The following PPP2R5C variants were observed in gnomAD, a reference collection of about 807,000 sequenced individuals.
PPP2R5C encodes serine/threonine-protein phosphatase 2A 56 kDa regulatory subunit gamma isoform.
PPP2R5C carries 7 observed loss-of-function variants against 68.9 expected under a neutral mutation model. The observed-to-expected ratio is 0.10, with a 90% confidence interval of 0.06 to 0.19. The LOEUF is 0.19. Among genes scored for constraint, PPP2R5C ranks in the 10% least tolerant of loss-of-function variants. The pLI is 1.00. For synonymous variants in PPP2R5C, 210 were observed against 222.2 expected, an observed-to-expected ratio of 0.95 and a Z score of 0.49; for missense variants, 348 against 641.3, an observed-to-expected ratio of 0.54 and a Z score of 4.94.
rs547585266 is a variant in PPP2R5C at position 101,868,906 on chromosome 14, T to G, written c.294+12021T>G. Among the ~76,000 whole-genome samples the G allele has an allele frequency of 1.3e-4, 20 of 152,046 alleles. No individual in the cohort carries two copies. The East Asian group carries it at 3.9e-3, about 29-fold the overall frequency. On this transcript the variant is annotated intron_variant, in intron 2 of 13. Coordinates refer to ENST00000334743, the Ensembl canonical transcript of PPP2R5C. ...CAGGATATAGAACAGTTTCTTTTGGTTTTGTTTGTTTGTTTGTTTGTTTGT... is the reference window on the plus strand; with the variant it reads ...CAGGATATAGAACAGTTTCTTTTGGGTTTGTTTGTTTGTTTGTTTGTTTGT...
At chr14:101,925,511 C>A in exon 14 of PPP2R5C, 2 of 507,350 alleles carry the variant, frequency 3.9e-6, no homozygotes, top group Non-Finnish European at 6.6e-6. Flanking sequence ...CGCCGCCACC[C>A]CAGCGTAGTC....
chr14:101,848,786 A>G (rs1335434256), intron 1 of PPP2R5C, among the ~76,000 whole-genome samples: 1 of 152,212 alleles, frequency 6.6e-6, no homozygotes, highest in Non-Finnish European at 1.5e-5. Flanking sequence ...AAGGAGACTC[A>G]CGTCTCACTA....
At chr14:101,805,864 G>T (rs1339716014), upstream of PPP2R5C, among the ~76,000 whole-genome samples, 2 of 152,208 alleles carry the variant, frequency 1.3e-5, no homozygotes, top group African/African-American at 4.8e-5. Context: ...AGTTCATAGA[G>T]ACTGAAAGTA....
At chr14:101,860,962 T>A (rs1273495236) in intron 2 of PPP2R5C, among the ~76,000 whole-genome samples, 1 of 152,190 alleles carries the variant, frequency 6.6e-6, no homozygotes, top group Non-Finnish European at 1.5e-5. Context: ...GCGTGCAGTT[T>A]CCCAGGCCTA....
At chr14:101,815,321 C>G (rs541403488) in intron 1 of PPP2R5C, among the ~76,000 whole-genome samples, 2 of 152,128 alleles carry the variant, frequency 1.3e-5, no homozygotes, top group Non-Finnish European at 2.9e-5. Flanking sequence ...CTCATAGGTA[C>G]TTTTTGATTT....
chr14:101,912,264 G>A (rs1339382240), intron 11 of PPP2R5C, 137 bp from the exon 14 acceptor site: 13 of 580,330 alleles, frequency 2.2e-5, no homozygotes, highest in Middle Eastern at 6.3e-4. Context: ...TGCTCAGCAC[G>A]TAAGTGTGGG....
chr14:101,919,988 AAAAAC>A lies in PPP2R5C; in HGVS notation c.1443+2042_1443+2046del, dbSNP rs1292763880. The stretch of plus-strand genomic sequence containing the variant: ...CCGTCTCAAAAAAAAAAAAAAAAAA[AAAAAC>A]CAATTCTTACACATTAAATAGCTTA... On this transcript the variant is annotated intron_variant, in intron 13 of 13. Transcript: ENST00000334743. Among the ~76,000 whole-genome samples the A allele has an allele frequency of 1.6e-3, 240 of 151,724 alleles. 10 individuals are homozygous for A. Among genetic ancestry groups the A allele is most frequent in the African/African-American group, 5.4e-3 (224 of 41,138 alleles).
chr14:101,872,926 C>CTTTTTT (rs201696085), intron 2 of PPP2R5C, among the ~76,000 whole-genome samples: 1 of 144,888 alleles, frequency 6.9e-6, no homozygotes, highest in East Asian at 2.0e-4. Context: ...TCTCTTAATT[C>CTTTTTT]TTTTTTTTTT....
chr14:101,865,606 G>T (rs558317942), intron 2 of PPP2R5C, among the ~76,000 whole-genome samples: 17 of 152,188 alleles, frequency 1.1e-4, no homozygotes, highest in African/African-American at 4.1e-4. Context: ...ACTTTAATCT[G>T]CTAACTGTGC....
intron 1 of PPP2R5C, among the ~76,000 whole-genome samples, chr14:101,812,759 T>A (rs951380787): frequency 1.3e-5 from 2 of 152,224 alleles, no homozygotes; most frequent in Non-Finnish European, 2.9e-5. Context: ...AGGGTTCTAA[T>A]GTGGATATGA....
At chr14:101,806,225 C>T (rs2039068850), upstream of PPP2R5C, among the ~76,000 whole-genome samples, 1 of 152,098 alleles carries the variant, frequency 6.6e-6, no homozygotes, top group Non-Finnish European at 1.5e-5. Context: ...GCCCTGCATG[C>T]ATTAGATATT....
At chr14:101,862,174 C>T (rs1287411364) in intron 2 of PPP2R5C, among the ~76,000 whole-genome samples, 1 of 152,168 alleles carries the variant, frequency 6.6e-6, no homozygotes, top group Non-Finnish European at 1.5e-5. Flanking sequence ...CCTCAGCCTC[C>T]CAAAGTGCTG....
chr14:101,851,522 A>G (rs1380339222), intron 1 of PPP2R5C, among the ~76,000 whole-genome samples: 1 of 152,140 alleles, frequency 6.6e-6, no homozygotes, highest in East Asian at 1.9e-4. Context: ...TGGCTGCTTC[A>G]GCTGCTTAGT....
chr14:101,809,758 G>T (rs1021586170), upstream of PPP2R5C: 1 of 1,292,630 alleles, frequency 7.7e-7, no homozygotes, highest in Non-Finnish European at 1.0e-6. Context: ...TCCGTTTGCA[G>T]TTTTTTTAGT....
intron 8 of PPP2R5C, among the ~76,000 whole-genome samples, chr14:101,898,226 G>A (rs74366769): frequency 0.012 from 1,897 of 152,214 alleles, 22 homozygotes; most frequent in Non-Finnish European, 0.016. Flanking sequence ...TTGAAAGTAT[G>A]TATTTTTCTT....
Position 101,889,956 on chromosome 14 carries a change from C to T in PPP2R5C, c.630-281C>T, listed in dbSNP as rs772524305. 2.9e-5 allele frequency: 16 copies of T among 543,048 alleles called. No individual in the cohort carries two copies. In the Middle Eastern group the frequency reaches 1.1e-3, roughly 38 times the overall value. The allele number at this position is 543,048 out of a possible 1,614,324, so 33.6% of individuals were successfully genotyped here. The stretch of plus-strand genomic sequence containing the variant: ...ATCTGGTGGTTGAAATGGGTGTTCA[C>T]TGTAGAATTCTTTCCGTTTTCCTAG... On this transcript the variant is annotated intron_variant, in intron 5 of 13. Coordinates refer to ENST00000334743, the Ensembl canonical transcript of PPP2R5C.
rs139871627 is a variant in PPP2R5C, at chr14:101,825,085, C to G, written c.94+15049C>G. Among the ~76,000 whole-genome samples the G allele has an allele frequency of 6.6e-6, 1 of 152,164 alleles. No homozygotes were observed. The highest frequency in any genetic ancestry group is 1.9e-4 in the East Asian group (1 of 5,202). ...CAGCAGTGGCTTCTCACGCCATCTT[C>G]GTCACTACACAAGGGGAAGTTGGGC... On this transcript the variant is annotated intron_variant, in intron 1 of 13. Coordinates refer to ENST00000334743, the Ensembl canonical transcript of PPP2R5C. The surrounding 1 kb of genome is among the most constrained non-coding windows in gnomAD (Gnocchi z 4.0).
At chr14:101,836,098 C>T in intron 1 of PPP2R5C, 1 of 636,134 alleles carries the variant, frequency 1.6e-6, no homozygotes, top group South Asian at 1.7e-5. Context: ...TAAGGAAATT[C>T]CTCAATCCAC....
At chr14:101,895,384 ACATT>A (rs1354136311) in intron 8 of PPP2R5C, among the ~76,000 whole-genome samples, 1 of 152,178 alleles carries the variant, frequency 6.6e-6, no homozygotes, top group Non-Finnish European at 1.5e-5. Context: ...AGCGTTAATG[ACATT>A]CATAGTGTTG....
Sources: gnomAD v4.1 joint callset for allele counts (sites outside exome capture counted in the v4.1 genomes callset) on GRCh38, gnomAD v4.1.1 for gene constraint, Gnocchi (gnomAD v3.1) non-coding constraint, MANE v1.5 for transcripts, NCBI Gene and HGNC (gene_info 2026-07-23, HGNC 2026-07-21) for gene names.